FKTN: variants seen among roughly 807,000 people sequenced by gnomAD.
FKTN encodes ribitol-5-phosphate transferase FKTN.
FKTN carries 47 observed loss-of-function variants against 58.6 expected under a neutral mutation model. The observed-to-expected ratio is 0.80, with a 90% CI of 0.63 to 1.02. FKTN has a LOEUF of 1.02. FKTN is among the 50% of genes least tolerant of loss of function. The pLI, the probability that FKTN is intolerant of heterozygous loss-of-function variation, is 0.00. For synonymous variants in FKTN, 178 were observed against 191.9 expected, an observed-to-expected ratio of 0.93 and a Z score of 0.60; for missense variants, 516 against 537.3, an observed-to-expected ratio of 0.96 and a Z score of 0.39.
chr9:105,615,728 G>A (rs974212185), intron 8 of FKTN, among the ~76,000 whole-genome samples: 23 of 152,144 alleles, frequency 1.5e-4, no homozygotes, highest in African/African-American at 5.1e-4. Context: ...ACCAGTGGAT[G>A]CCTGAAATCT....
chr9:105,637,274 T>A lies in FKTN; in HGVS notation c.*2010T>A, dbSNP rs987010956. 106 of 984,632 alleles carry A rather than the reference T, an allele frequency of 1.1e-4. No homozygotes were observed. Among genetic ancestry groups the A allele is most frequent in the Non-Finnish European group, 1.2e-4 (100 of 829,250 alleles). The allele number at this position is 984,632 out of a possible 1,614,324, so 61.0% of individuals were successfully genotyped here. ...TTTGCCAGGAGATCTTACCCATCCC[T>A]TTTCAGATTAATCTTTTATCCTTTC... On this transcript the variant is annotated 3_prime_UTR_variant, in exon 11 of 11. Transcript: ENST00000357998.
At chr9:105,604,713 G>GGGA (rs1473001624) in intron 6 of FKTN, among the ~76,000 whole-genome samples, 1 of 152,132 alleles carries the variant, frequency 6.6e-6, no homozygotes, top group African/African-American at 2.4e-5. Flanking sequence ...CCAGCACTTT[G>GGGA]GGAGGCCGAG....
intron 1 of FKTN, among the ~76,000 whole-genome samples, chr9:105,570,555 A>G (rs528551056): frequency 3.0e-4 from 45 of 152,260 alleles, no homozygotes; most frequent in Admixed American, 1.1e-3. Flanking sequence ...ACATCTTCTC[A>G]TATTCTTTTT....
intron 7 of FKTN, among the ~76,000 whole-genome samples, chr9:105,610,597 C>G (rs1829740791): frequency 6.6e-6 from 1 of 151,950 alleles, no homozygotes; most frequent in Non-Finnish European, 1.5e-5. Flanking sequence ...CTCTGCTGGG[C>G]TGCACACACG....
At chr9:105,581,980 C>T (rs568039129) in intron 3 of FKTN, among the ~76,000 whole-genome samples, 1 of 152,208 alleles carries the variant, frequency 6.6e-6, no homozygotes, top group Non-Finnish European at 1.5e-5. Context: ...AACTCCCTGA[C>T]ACCTTGCGCT....
At position 105,615,270 on chromosome 9, in the gene FKTN, A is replaced by C. The variant is rs374973759; in HGVS notation, c.781-8A>C. 1 of 1,613,674 alleles carries C rather than the reference A, an allele frequency of 6.2e-7. No homozygotes were observed. The highest frequency in any genetic ancestry group is 1.3e-5 in the African/African-American group (1 of 75,042). On this transcript the variant is annotated splice_polypyrimidine_tract_variant and splice_region_variant and intron_variant, in intron 7 of 10. Coordinates refer to ENST00000357998, the MANE Select transcript of FKTN (RefSeq NM_001079802.2). ...GCTGTAATAGCTGACTATTTATTAT[A>C]TCTGTAGCAGTACCTTGATGATAAC...
At chr9:105,585,706 GCA>G (rs1843781248) in intron 3 of FKTN, among the ~76,000 whole-genome samples, 1 of 152,154 alleles carries the variant, frequency 6.6e-6, no homozygotes, top group African/African-American at 2.4e-5. Flanking sequence ...CATCTGAATT[GCA>G]TTCCTCTGTT....
At chr9:105,608,047 T>C (rs1829227739) in intron 7 of FKTN, 96 bp downstream of exon 7, 1 of 1,022,508 alleles carries the variant, frequency 9.8e-7, no homozygotes, top group Non-Finnish European at 1.5e-6. Flanking sequence ...TTATGGAAAA[T>C]AGAAAAGTAA....
chr9:105,568,498 CAAAAG>C (rs1564198357), intron 1 of FKTN, among the ~76,000 whole-genome samples: 1 of 152,164 alleles, frequency 6.6e-6, no homozygotes, highest in East Asian at 1.9e-4. Context: ...AGACACTTCT[CAAAAG>C]AAGACATTTA....
intron 3 of FKTN, among the ~76,000 whole-genome samples, chr9:105,583,051 TATAAG>T (rs1280500438): frequency 1.3e-5 from 2 of 152,196 alleles, no homozygotes; most frequent in African/African-American, 4.8e-5. Flanking sequence ...GATTCCCAAA[TATAAG>T]AGAATCTGGG....
intron 10 of FKTN, among the ~76,000 whole-genome samples, chr9:105,634,310 T>A (rs1002525315): frequency 2.0e-5 from 3 of 152,146 alleles, no homozygotes; most frequent in Middle Eastern, 3.4e-3. Flanking sequence ...TTCTTTGTAT[T>A]TTTAGTAGAG....
chr9:105,610,407 A>G (rs920241186), intron 7 of FKTN, among the ~76,000 whole-genome samples: 19 of 152,020 alleles, frequency 1.2e-4, no homozygotes, highest in African/African-American at 3.9e-4. Flanking sequence ...AAAAGTTCCA[A>G]TTAAACAACA....
chr9:105,630,312 G>A (rs1364085352), intron 10 of FKTN, among the ~76,000 whole-genome samples: 2 of 152,102 alleles, frequency 1.3e-5, no homozygotes, highest in Non-Finnish European at 1.5e-5. Flanking sequence ...CAATAAATGT[G>A]ATCATTAGTT....
intron 1 of FKTN, among the ~76,000 whole-genome samples, chr9:105,567,870 C>T (rs1207678358): frequency 2.0e-5 from 3 of 152,190 alleles, no homozygotes; most frequent in African/African-American, 7.2e-5. Flanking sequence ...CTGGAGGCAT[C>T]ACGCTACCTG....
At chr9:105,597,895 T>G (rs1201381414) in intron 4 of FKTN, among the ~76,000 whole-genome samples, 1 of 152,142 alleles carries the variant, frequency 6.6e-6, no homozygotes, top group Non-Finnish European at 1.5e-5. Flanking sequence ...GTAGCTTCAG[T>G]TGGATAAAAG....
chr9:105,560,517 T>G (rs774078570), intron 1 of FKTN, among the ~76,000 whole-genome samples: 5 of 152,210 alleles, frequency 3.3e-5, no homozygotes, highest in Non-Finnish European at 7.3e-5. Context: ...TAATATATGC[T>G]TATACAAATA....
chr9:105,573,025 A>T (rs942630570), intron 1 of FKTN, among the ~76,000 whole-genome samples: 9 of 150,838 alleles, frequency 6.0e-5, no homozygotes, highest in African/African-American at 2.2e-4. Context: ...GCTTGAGGTG[A>T]GGAGTTCGTG....
chr9:105,603,579 T>G (rs1286317377), intron 5 of FKTN: 2 of 152,292 alleles, frequency 1.3e-5, no homozygotes, highest in Non-Finnish European at 2.9e-5. Flanking sequence ...GTGCTGTCCT[T>G]AAATCAACAT....
chr9:105,630,554 A>G (rs1397468425), intron 10 of FKTN, among the ~76,000 whole-genome samples: 2 of 152,220 alleles, frequency 1.3e-5, no homozygotes, highest in Admixed American at 1.3e-4. Context: ...GGCAATAGAA[A>G]AAGAGAAAAC....
Sources: gnomAD v4.1 joint callset for allele counts (sites outside exome capture counted in the v4.1 genomes callset) on GRCh38, gnomAD v4.1.1 for gene constraint, MANE v1.5 for transcripts, NCBI Gene and HGNC (gene_info 2026-07-23, HGNC 2026-07-21) for gene names.